The following HSDL2 variants were observed in gnomAD, a reference collection of about 807,000 sequenced individuals.
HSDL2 encodes hydroxysteroid dehydrogenase like 2, also known as hydroxysteroid dehydrogenase-like protein 2.
A neutral mutation model predicts 46.3 loss-of-function variants in HSDL2; 27 were observed. That is an observed-to-expected ratio of 0.58 (90% CI 0.43 to 0.80). HSDL2 has a LOEUF of 0.80. Among genes scored for constraint, HSDL2 ranks in the 30% least tolerant of loss-of-function variants. The pLI, the probability that HSDL2 is intolerant of heterozygous loss-of-function variation, is 0.00. For synonymous variants in HSDL2, 153 were observed against 163.6 expected, an observed-to-expected ratio of 0.94 and a Z score of 0.50; for missense variants, 451 against 502.7, an observed-to-expected ratio of 0.90 and a Z score of 0.98.
intron 9 of HSDL2, among the ~76,000 whole-genome samples, chr9:112,456,884 G>A (rs1329671101): frequency 6.6e-6 from 1 of 152,160 alleles, no homozygotes; most frequent in Non-Finnish European, 1.5e-5. Flanking sequence ...AAATCCCTGG[G>A]TGGCTCGTGC....
chr9:112,440,413 A>G (rs1035373716), intron 7 of HSDL2, among the ~76,000 whole-genome samples: 1 of 151,928 alleles, frequency 6.6e-6, no homozygotes, highest in Non-Finnish European at 1.5e-5. Flanking sequence ...CAAAAAAAAA[A>G]AGAGAGAAAA....
chr9:112,412,653 A>G (rs1831901105), intron 4 of HSDL2, among the ~76,000 whole-genome samples: 1 of 152,250 alleles, frequency 6.6e-6, no homozygotes, highest in Non-Finnish European at 1.5e-5. Flanking sequence ...ACTGATGTGT[A>G]CATAAATGTA....
chr9:112,444,338 T>C (rs1355114974), intron 8 of HSDL2, among the ~76,000 whole-genome samples: 2 of 152,222 alleles, frequency 1.3e-5, no homozygotes, highest in Non-Finnish European at 2.9e-5. Flanking sequence ...CATTTCATTA[T>C]ACCTTTTCCA....
At chr9:112,383,198 C>T (rs1316915698) in intron 1 of HSDL2, among the ~76,000 whole-genome samples, 1 of 152,006 alleles carries the variant, frequency 6.6e-6, no homozygotes, top group Non-Finnish European at 1.5e-5. Context: ...CTTAGCCTCA[C>T]AAGTAGCTGG....
Position 112,470,439 on chromosome 9 carries a change from A to G in HSDL2, c.1152A>G (p.Leu384=), listed in dbSNP as rs1833544120. The change falls in exon 11 of 11, where the codon CTA becomes CTG. Residue 384 remains leucine, a synonymous_variant. Transcript: ENST00000398805. ...DDFVKMFSGK[L]KPTMAFMSGK... is the part of the protein sequence containing the mutation. ...CTCATTTTCTCATTTTAGGGAAACTAAAACCAACAATGGCATTCATGTCAG... is the reference window on the plus strand; with the variant it reads ...CTCATTTTCTCATTTTAGGGAAACTGAAACCAACAATGGCATTCATGTCAG... 3 of 1,607,030 alleles carry G rather than the reference A, an allele frequency of 1.9e-6. No individual in the cohort carries two copies. Among genetic ancestry groups the G allele is most frequent in the South Asian group, 2.2e-5 (2 of 90,152 alleles).
At chr9:112,437,563 A>G (rs796690445) in intron 6 of HSDL2, among the ~76,000 whole-genome samples, 1 of 111,326 alleles carries the variant, frequency 9.0e-6, no homozygotes, top group African/African-American at 3.1e-5. Context: ...AATACCCACA[A>G]GAATGTGTGC....
Position 112,459,457 on chromosome 9 carries a change from GGTGGCAC to G in HSDL2, c.1029_1035del (p.Thr344PhefsTer4). 1.9e-6 allele frequency: 3 copies of G among 1,613,898 alleles called. No individual in the cohort carries two copies. Among genetic ancestry groups the G allele is most frequent in the Non-Finnish European group, 2.5e-6 (3 of 1,179,832 alleles). ...TATGTTTATCTCTCTAGGTGAAGAT[GGTGGCAC>G]GTGGTTTCTTGATCTGAAAAGCAAG... On this transcript the variant is annotated frameshift_variant, in exon 10 of 11. Coordinates refer to ENST00000398805, the MANE Select transcript of HSDL2 (RefSeq NM_032303.5). LOFTEE classifies it high-confidence loss of function.
chr9:112,437,942 C>T (rs912415083), intron 6 of HSDL2, among the ~76,000 whole-genome samples: 4 of 152,262 alleles, frequency 2.6e-5, no homozygotes, highest in African/African-American at 7.2e-5. Context: ...CAGTTCTCTC[C>T]GTAGAACATT....
Position 112,430,554 on chromosome 9 carries a change from A to G in HSDL2, c.599-7877A>G, listed in dbSNP as rs1235360674. Among the ~76,000 whole-genome samples the G allele has an allele frequency of 2.6e-5, 4 of 152,146 alleles. No individual in the cohort carries two copies. In the East Asian group the frequency reaches 7.7e-4, roughly 29 times the overall value. ...CCTCTCTGGCTGTTCTGATGAGCCT[A>G]GATTCTTGAGGGGCAAAGGGGGGAA... is the stretch of plus-strand genomic sequence containing the variant. On this transcript the variant is annotated intron_variant, in intron 6 of 10. Transcript: ENST00000398805.
chr9:112,412,734 C>A (rs950112982), intron 4 of HSDL2, among the ~76,000 whole-genome samples: 7 of 152,116 alleles, frequency 4.6e-5, no homozygotes, highest in Admixed American at 6.5e-5. Flanking sequence ...ATTTGGTCTA[C>A]TTTCCTATAT....
At chr9:112,432,611 G>A (rs1832433336) in intron 6 of HSDL2, among the ~76,000 whole-genome samples, 1 of 152,188 alleles carries the variant, frequency 6.6e-6, no homozygotes. Context: ...GCTCATTGCT[G>A]AGATCTTTGC....
chr9:112,452,198 A>G (rs1305285428), intron 8 of HSDL2, among the ~76,000 whole-genome samples: 1 of 152,230 alleles, frequency 6.6e-6, no homozygotes, highest in African/African-American at 2.4e-5. Context: ...GGCAATTTAT[A>G]TTCAGTATAC....
chr9:112,463,783 C>T (rs747880102), intron 10 of HSDL2, among the ~76,000 whole-genome samples: 66 of 151,876 alleles, frequency 4.3e-4, no homozygotes, highest in Non-Finnish European at 7.9e-4. Flanking sequence ...GTCTCAGCCT[C>T]CCAAGAAGCT....
At chr9:112,380,271 C>T in intron 1 of HSDL2, 91 bp downstream of exon 1, 1 of 1,340,588 alleles carries the variant, frequency 7.5e-7, no homozygotes, top group Non-Finnish European at 1.0e-6. Flanking sequence ...GCTGGCCGGC[C>T]CGGCTGTGGG....
At chr9:112,424,146 C>G (rs1205648301) in intron 6 of HSDL2, among the ~76,000 whole-genome samples, 1 of 151,558 alleles carries the variant, frequency 6.6e-6, no homozygotes, top group Non-Finnish European at 1.5e-5. Flanking sequence ...TGGTGAAACC[C>G]TGTCTCTACT....
chr9:112,413,841 A>G (rs895818771), intron 4 of HSDL2, among the ~76,000 whole-genome samples: 4 of 152,230 alleles, frequency 2.6e-5, no homozygotes, highest in African/African-American at 9.6e-5. Context: ...ACAAGAGTAC[A>G]CCGATCAAAG....
chr9:112,419,478 C>T (rs1237791633), intron 6 of HSDL2, among the ~76,000 whole-genome samples: 1 of 152,132 alleles, frequency 6.6e-6, no homozygotes, highest in Non-Finnish European at 1.5e-5. Context: ...GACTCTTCAG[C>T]CAATAGCCTT....
intron 6 of HSDL2, among the ~76,000 whole-genome samples, chr9:112,431,593 C>G (rs1280925326): frequency 6.6e-6 from 1 of 152,120 alleles, no homozygotes; most frequent in Non-Finnish European, 1.5e-5. Context: ...ATGGGGGCAG[C>G]TTTCTCCTGA....
chr9:112,402,464 G>GGGA (rs766388546), intron 1 of HSDL2, among the ~76,000 whole-genome samples: 4 of 150,314 alleles, frequency 2.7e-5, no homozygotes, highest in African/African-American at 9.8e-5. Context: ...AGGCTGAGAT[G>GGGA]GGAAGATCAT....
Sources: gnomAD v4.1 joint callset for allele counts (sites outside exome capture counted in the v4.1 genomes callset) on GRCh38, gnomAD v4.1.1 for gene constraint, MANE v1.5 for transcripts, NCBI Gene and HGNC (gene_info 2026-07-23, HGNC 2026-07-21) for gene names.